Variants in DOK6 observed in about 807,000 individuals in gnomAD.
DOK6 encodes the protein docking protein 6, also known as downstream of tyrosine kinase 6.
DOK6 carries 22 observed loss-of-function variants against 44.0 expected under a neutral mutation model. The ratio of observed to expected loss-of-function variants is 0.50; its 90% confidence interval spans 0.36 to 0.71. DOK6 has a LOEUF of 0.71. Ranked by LOEUF, DOK6 falls within the 30% of genes least tolerant of loss-of-function variation. The pLI, the probability that DOK6 is intolerant of heterozygous loss-of-function variation, is 0.00. For missense variants in DOK6, 340 were observed against 416.4 expected, an observed-to-expected ratio of 0.82 and a Z score of 1.60; for synonymous variants, 166 against 145.5, an observed-to-expected ratio of 1.14 and a Z score of -1.01.
chr18:69,669,047 C>T (rs1985730851), intron 3 of DOK6, among the ~76,000 whole-genome samples: 2 of 152,168 alleles, frequency 1.3e-5, no homozygotes, highest in African/African-American at 4.8e-5. Flanking sequence ...TAATCTTCTA[C>T]TTTTTCTTCT....
intron 1 of DOK6, among the ~76,000 whole-genome samples, chr18:69,419,160 T>C (rs1978416990): frequency 6.6e-6 from 1 of 152,170 alleles, no homozygotes; most frequent in Non-Finnish European, 1.5e-5. Flanking sequence ...CCATCTTGAC[T>C]AAATTTTAGA....
intron 4 of DOK6, among the ~76,000 whole-genome samples, chr18:69,697,821 G>C (rs1001196790): frequency 1.3e-5 from 2 of 152,182 alleles, no homozygotes; most frequent in Non-Finnish European, 2.9e-5. Context: ...AATGTCTTAA[G>C]TTCTGCGGAA....
chr18:69,636,741 C>T (rs1984818925), intron 3 of DOK6, among the ~76,000 whole-genome samples: 1 of 152,130 alleles, frequency 6.6e-6, no homozygotes, highest in African/African-American at 2.4e-5. Context: ...CAGTATTTGC[C>T]TTAAACTTAT....
chr18:69,489,944 C>CCTAT (rs1266178172), intron 1 of DOK6, among the ~76,000 whole-genome samples: 1 of 151,488 alleles, frequency 6.6e-6, no homozygotes, highest in Non-Finnish European at 1.5e-5. Flanking sequence ...AAAAAAAAAC[C>CCTAT]CTATCTTTAC....
chr18:69,679,175 CAAAAAAA>C (rs1384757483), intron 4 of DOK6, among the ~76,000 whole-genome samples: 4 of 151,058 alleles, frequency 2.6e-5, no homozygotes, highest in Middle Eastern at 3.4e-3. Context: ...GGCCATATCT[CAAAAAAA>C]GAAAAAAGAA....
In DOK6 at chr18:69,823,302, AACAG is replaced by A. The variant is rs1276174077; in HGVS notation, c.857-17936_857-17933del. Among the ~76,000 whole-genome samples the A allele has an allele frequency of 1.1e-4, 16 of 152,202 alleles. No individual in the cohort carries two copies. The East Asian group carries it at 1.3e-3, about 13-fold the overall frequency. On this transcript the variant is annotated intron_variant, in intron 7 of 7. Transcript: ENST00000382713. ...GAAATAGAGGTATGCAGAGGATGCTAACAGACAGAGTGAAGTGGCTTCCAACTCA... is the reference window on the plus strand; with the variant it reads ...GAAATAGAGGTATGCAGAGGATGCTAACAGAGTGAAGTGGCTTCCAACTCA...
intron 1 of DOK6, among the ~76,000 whole-genome samples, chr18:69,462,947 G>A (rs527923605): frequency 3.3e-5 from 5 of 152,276 alleles, no homozygotes; most frequent in African/African-American, 1.2e-4. Flanking sequence ...TGTATTAACA[G>A]ACTAAAAGGA....
At chr18:69,776,470 C>T (rs1253779533) in intron 7 of DOK6, among the ~76,000 whole-genome samples, 1 of 151,988 alleles carries the variant, frequency 6.6e-6, no homozygotes, top group African/African-American at 2.4e-5. Context: ...ATAATGAAAA[C>T]ACTACATCAA....
chr18:69,467,539 G>A (rs1395174761), intron 1 of DOK6, among the ~76,000 whole-genome samples: 2 of 152,048 alleles, frequency 1.3e-5, no homozygotes, highest in African/African-American at 4.8e-5. Context: ...GTTATCCAAG[G>A]AAATACAACT....
intron 4 of DOK6, among the ~76,000 whole-genome samples, chr18:69,687,587 C>T (rs1411969080): frequency 6.6e-6 from 1 of 152,116 alleles, no homozygotes; most frequent in African/African-American, 2.4e-5. Flanking sequence ...GAGGCTGAGG[C>T]AGGAGAATTG....
At chr18:69,793,439 A>C (rs1980656445) in intron 7 of DOK6, among the ~76,000 whole-genome samples, 1 of 152,158 alleles carries the variant, frequency 6.6e-6, no homozygotes, top group Non-Finnish European at 1.5e-5. Context: ...CAGCTAGTTG[A>C]TTACCGCACC....
At chr18:69,470,342 T>C (rs1980061533) in intron 1 of DOK6, among the ~76,000 whole-genome samples, 1 of 152,180 alleles carries the variant, frequency 6.6e-6, no homozygotes, top group African/African-American at 2.4e-5. Context: ...TGAGCTATCT[T>C]TGTTCATCTC....
intron 7 of DOK6, among the ~76,000 whole-genome samples, chr18:69,817,084 T>C (rs945285893): frequency 1.4e-4 from 22 of 152,208 alleles, no homozygotes; most frequent in African/African-American, 5.1e-4. Flanking sequence ...AGGTGTTATC[T>C]TTTGACTATT....
At chr18:69,433,425 C>G (rs1474062187) in intron 1 of DOK6, among the ~76,000 whole-genome samples, 1 of 152,060 alleles carries the variant, frequency 6.6e-6, no homozygotes, top group Non-Finnish European at 1.5e-5. Context: ...TTTAAGTGAG[C>G]TACATTTTTA....
At chr18:69,500,641 TCA>T (rs1331965675) in intron 1 of DOK6, among the ~76,000 whole-genome samples, 5 of 152,144 alleles carry the variant, frequency 3.3e-5, no homozygotes, top group African/African-American at 1.2e-4. Context: ...GAGAGTTCAA[TCA>T]TTTAAGTAAA....
intron 6 of DOK6, among the ~76,000 whole-genome samples, chr18:69,752,740 A>G (rs1023242872): frequency 6.6e-6 from 1 of 152,196 alleles, no homozygotes; most frequent in Non-Finnish European, 1.5e-5. Context: ...AAAACTCCTG[A>G]GTCAGAGACA....
chr18:69,786,990 C>G (rs1980450216), intron 7 of DOK6, among the ~76,000 whole-genome samples: 1 of 152,106 alleles, frequency 6.6e-6, no homozygotes, highest in Non-Finnish European at 1.5e-5. Flanking sequence ...TTGAGGCAGG[C>G]AGATCACTTG....
chr18:69,820,825 T>C (rs1178949091), intron 7 of DOK6, among the ~76,000 whole-genome samples: 1 of 152,004 alleles, frequency 6.6e-6, no homozygotes, highest in Admixed American at 6.6e-5. Flanking sequence ...TTCTCACTTA[T>C]AAGTGGGAGC....
intron 1 of DOK6, among the ~76,000 whole-genome samples, chr18:69,504,672 CA>C (rs1357402572): frequency 2.8e-4 from 42 of 152,074 alleles, no homozygotes; most frequent in African/African-American, 9.4e-4. Flanking sequence ...ATAAAAGTGA[CA>C]TTTTTTCCAT....
Sources: allele counts gnomAD v4.1 joint callset (sites outside exome capture counted in the v4.1 genomes callset), GRCh38; gene constraint gnomAD v4.1.1; transcripts MANE v1.5; gene names NCBI Gene and HGNC (gene_info 2026-07-23, HGNC 2026-07-21).